Variants in SAMMSON observed in about 807,000 individuals in gnomAD.
The protein encoded by SAMMSON is long intergenic non-protein coding RNA 1212.
intron 4 of SAMMSON, among the ~76,000 whole-genome samples, chr3:70,159,387 T>C (rs2067605206): frequency 6.6e-6 from 1 of 150,850 alleles, no homozygotes; most frequent in African/African-American, 2.4e-5. Context: ...TGGACACCTG[T>C]TTTCATCTCT....
intron 4 of SAMMSON, among the ~76,000 whole-genome samples, chr3:70,188,647 G>A (rs1438067420): frequency 6.6e-6 from 1 of 152,170 alleles, no homozygotes; most frequent in East Asian, 1.9e-4. Flanking sequence ...ACTAGGTAGT[G>A]ATAAGAATAA....
intron 6 of SAMMSON, among the ~76,000 whole-genome samples, chr3:70,263,198 A>G (rs1488378335): frequency 6.6e-6 from 1 of 152,088 alleles, no homozygotes; most frequent in African/African-American, 2.4e-5. Flanking sequence ...CCTTCTGGTT[A>G]TGGATCATAT....
intron 3 of SAMMSON, among the ~76,000 whole-genome samples, chr3:70,024,453 A>G (rs1301184399): frequency 6.6e-6 from 1 of 152,204 alleles, no homozygotes; most frequent in Non-Finnish European, 1.5e-5. Flanking sequence ...ATTTGTCAAC[A>G]ACTCATCATA....
intron 4 of SAMMSON, among the ~76,000 whole-genome samples, chr3:70,237,977 A>ACCTTTTTTTTT (rs1701627472): frequency 7.7e-5 from 1 of 13,008 alleles, no homozygotes; most frequent in Non-Finnish European, 1.4e-4. Context: ...ATTGAGTGGT[A>ACCTTTTTTTTT]TCTTTTTTTT....
chr3:70,363,102 G>C (rs1702889246), intron 9 of SAMMSON, among the ~76,000 whole-genome samples: 1 of 151,948 alleles, frequency 6.6e-6, no homozygotes, highest in African/African-American at 2.4e-5. Context: ...AAGAAGAATA[G>C]AAAACAGGGA....
intron 4 of SAMMSON, among the ~76,000 whole-genome samples, chr3:70,156,163 A>C: frequency 6.6e-6 from 1 of 152,060 alleles, no homozygotes; most frequent in Non-Finnish European, 1.5e-5. Context: ...GAAAAGATGA[A>C]ATCGACTAAC....
At chr3:70,266,192 TG>T (rs1359137545) in intron 6 of SAMMSON, among the ~76,000 whole-genome samples, 4 of 152,190 alleles carry the variant, frequency 2.6e-5, no homozygotes, top group African/African-American at 9.7e-5. Context: ...CAAACATTTA[TG>T]TTTTTTTATT....
chr3:70,433,609 C>G (rs1701433541), intron 2 of SAMMSON, among the ~76,000 whole-genome samples: 1 of 151,792 alleles, frequency 6.6e-6, no homozygotes, highest in African/African-American at 2.4e-5. Flanking sequence ...GTGCTTTGTC[C>G]TTTCATTCTA....
chr3:70,018,526 A>T (rs1186781958), intron 3 of SAMMSON, among the ~76,000 whole-genome samples: 3 of 152,102 alleles, frequency 2.0e-5, no homozygotes, highest in African/African-American at 7.2e-5. Context: ...CTTTTCAAAA[A>T]ACCAGCTCCT....
intron 2 of SAMMSON, among the ~76,000 whole-genome samples, chr3:70,411,798 C>A (rs1219452855): frequency 6.6e-6 from 1 of 152,164 alleles, no homozygotes; most frequent in Non-Finnish European, 1.5e-5. Context: ...GAGGTCTCCC[C>A]AGCCATGTGA....
intron 6 of SAMMSON, among the ~76,000 whole-genome samples, chr3:70,279,410 A>G (rs1702059102): frequency 6.6e-6 from 1 of 152,136 alleles, no homozygotes. Context: ...CACTCGTCAG[A>G]AAGACCTCTG....
At chr3:70,342,426 T>C (rs936477543) in intron 7 of SAMMSON, among the ~76,000 whole-genome samples, 1 of 152,194 alleles carries the variant, frequency 6.6e-6, no homozygotes, top group African/African-American at 2.4e-5. Flanking sequence ...AATTCATGAA[T>C]AATTGATGAC....
chr3:70,375,137 C>T (rs972479120), intron 9 of SAMMSON, among the ~76,000 whole-genome samples: 1 of 151,970 alleles, frequency 6.6e-6, no homozygotes, highest in Non-Finnish European at 1.5e-5. Flanking sequence ...AAGTGGAAGG[C>T]CCCTCAATTT....
At chr3:70,345,525 A>T (rs879757964) in intron 7 of SAMMSON, among the ~76,000 whole-genome samples, 1 of 152,024 alleles carries the variant, frequency 6.6e-6, no homozygotes, top group Non-Finnish European at 1.5e-5. Context: ...ATTAAAGCTC[A>T]CTCTTTGTGC....
rs573429944 is a variant in SAMMSON at position 70,209,029 on chromosome 3, A to C, written n.508-40078A>C. Among the ~76,000 whole-genome samples the C allele has an allele frequency of 9.2e-5, 14 of 152,174 alleles. No individual in the cohort carries two copies. In the South Asian group the frequency reaches 1.5e-3, roughly 16 times the overall value. Reference sequence around the variant, plus strand: ...GAGAACACTAGGCTTCCTCTAACCCAAGAGGGATTCACCAAATTAATGATA... The same window carrying C: ...GAGAACACTAGGCTTCCTCTAACCCCAGAGGGATTCACCAAATTAATGATA... On this transcript the variant is annotated intron_variant and non_coding_transcript_variant, in intron 4 of 9. Coordinates refer to ENST00000642114, the Ensembl canonical transcript of SAMMSON.
At chr3:70,209,925 AC>A (rs1295248433) in intron 4 of SAMMSON, among the ~76,000 whole-genome samples, 3 of 152,072 alleles carry the variant, frequency 2.0e-5, no homozygotes, top group Non-Finnish European at 4.4e-5. Flanking sequence ...TTTATCCCAT[AC>A]ATTAGAGAGT....
At position 70,376,086 on chromosome 3, in the gene SAMMSON, G is replaced by A. The variant is rs146652891; in HGVS notation, n.914-13488G>A. Among the ~76,000 whole-genome samples, 128 of 152,236 alleles carry A rather than the reference G, an allele frequency of 8.4e-4. 2 individuals carry two copies. Among genetic ancestry groups the A allele is most frequent in the African/African-American group, 3.0e-3 (126 of 41,528 alleles). On this transcript the variant is annotated intron_variant and non_coding_transcript_variant, in intron 9 of 9. Transcript: ENST00000642114. ...AACCTGCATTTATTGAATACCTAGT[G>A]TTCCAATCTTTCATTTTCATACTGC...
chr3:70,062,786 C>T (rs1448450037), intron 3 of SAMMSON, among the ~76,000 whole-genome samples: 1 of 152,058 alleles, frequency 6.6e-6, no homozygotes, highest in Admixed American at 6.6e-5. Flanking sequence ...GAAAGTCAGT[C>T]GTCCTCATGT....
At chr3:70,277,843 C>T (rs6549327) in intron 6 of SAMMSON, among the ~76,000 whole-genome samples, 151,557 of 152,190 alleles carry the variant, frequency 1, 75,469 homozygotes, top group East Asian at 1. Flanking sequence ...GTACAGGAGA[C>T]GAAAGGGCAA....
Sources: gnomAD v4.1 joint callset for allele counts (sites outside exome capture counted in the v4.1 genomes callset) on GRCh38, gnomAD v4.1.1 for gene constraint, MANE v1.5 for transcripts, NCBI Gene and HGNC (gene_info 2026-07-23, HGNC 2026-07-21) for gene names.